CCNC: variants seen among roughly 807,000 people sequenced by gnomAD.
CCNC encodes the protein cyclin-C.
A neutral mutation model predicts 50.0 loss-of-function variants in CCNC; 19 were observed. The observed-to-expected ratio is 0.38, with a 90% confidence interval of 0.27 to 0.56. The LOEUF (loss-of-function observed/expected upper bound fraction) is 0.56. Ranked by LOEUF, CCNC falls within the 20% of genes least tolerant of loss-of-function variation. The probability of loss-of-function intolerance (pLI) is 0.72; values close to 1 mark genes in which losing one functional copy is unlikely to be tolerated. For synonymous variants in CCNC, 93 were observed against 103.7 expected (o/e 0.90, Z 0.63); for missense variants, 200 against 327.1 (o/e 0.61, Z 3.00).
At chr6:99,566,911 C>T (rs1326900034) in intron 1 of CCNC, 1 of 450,070 alleles carries the variant, frequency 2.2e-6, no homozygotes, top group Non-Finnish European at 4.5e-6. Context: ...AGACAATGGC[C>T]TTTCATAATC....
intron 5 of CCNC, among the ~76,000 whole-genome samples, chr6:99,555,954 C>T (rs1562491420): frequency 6.6e-6 from 1 of 152,162 alleles, no homozygotes; most frequent in Non-Finnish European, 1.5e-5. Context: ...TTCTTAAATC[C>T]CTTCTTTTTA....
At chr6:99,543,774 C>A in intron 11 of CCNC, 165 bp from the exon 12 acceptor site, 2 of 1,419,100 alleles carry the variant, frequency 1.4e-6, no homozygotes. Flanking sequence ...AGAAGACTAA[C>A]AAACATTGGT....
intron 11 of CCNC, 42 bp from the exon 12 acceptor site, chr6:99,543,651 G>T (rs777246706): frequency 3.7e-6 from 6 of 1,609,614 alleles, no homozygotes; most frequent in African/African-American, 1.3e-5. Flanking sequence ...CCAATTAAAA[G>T]ATCCATTTTT....
intron 11 of CCNC, 73 bp from the exon 12 acceptor site, chr6:99,543,682 A>T: frequency 6.3e-7 from 1 of 1,586,842 alleles, no homozygotes; most frequent in Non-Finnish European, 8.6e-7. Flanking sequence ...AAGCCTACTG[A>T]CTTTTAAATT....
intron 9 of CCNC, among the ~76,000 whole-genome samples, chr6:99,547,807 C>T (rs920291262): frequency 8.5e-5 from 13 of 152,214 alleles, no homozygotes; most frequent in African/African-American, 2.6e-4. Flanking sequence ...GATGGGAGTG[C>T]TGGAGGCTAA....
chr6:99,563,898 T>C (rs1253013807), intron 1 of CCNC, among the ~76,000 whole-genome samples: 1 of 152,106 alleles, frequency 6.6e-6, no homozygotes, highest in Non-Finnish European at 1.5e-5. Context: ...AATTAATAGC[T>C]GGTATAAAAA....
intron 9 of CCNC, among the ~76,000 whole-genome samples, chr6:99,549,068 C>T (rs1222813714): frequency 1.3e-5 from 2 of 151,964 alleles, no homozygotes; most frequent in Non-Finnish European, 2.9e-5. Context: ...TTTCCACAGA[C>T]TGTAGAATGA....
intron 1 of CCNC, chr6:99,567,022 G>A: frequency 2.3e-6 from 1 of 434,460 alleles, no homozygotes. Flanking sequence ...AAGGCAAAGT[G>A]GTCCCTTCTT....
intron 9 of CCNC, among the ~76,000 whole-genome samples, chr6:99,547,800 G>T (rs931112072): frequency 1.1e-4 from 16 of 152,160 alleles, no homozygotes; most frequent in African/African-American, 3.9e-4. Flanking sequence ...CTCTGAGGAT[G>T]GGAGTGCTGG....
At chr6:99,568,365 C>A (rs1769245777) in intron 1 of CCNC, 131 bp downstream of exon 1, 1 of 861,686 alleles carries the variant, frequency 1.2e-6, no homozygotes, top group Admixed American at 2.4e-5. Flanking sequence ...TTGATTCTGA[C>A]CGCTGCGGTC....
Position 99,551,041 on chromosome 6 carries a change from A to G in CCNC, c.403-13T>C. The G allele has an allele frequency of 1.8e-6, 2 of 1,086,778 alleles. No homozygotes were observed. Among genetic ancestry groups the G allele is most frequent in the Non-Finnish European group, 2.5e-6 (2 of 793,604 alleles). 67.3% of individuals were successfully genotyped at this position (1,086,778 alleles called of 1,614,324 possible). A position where few individuals can be genotyped will look rare whatever the true frequency, so the allele number is the denominator to read the frequency against. Reference sequence around the variant, plus strand: ...CACATTCTAATATCTGTTTAAAACAAAGATTATCAATGAAATGTCAATATG... The same window carrying G: ...CACATTCTAATATCTGTTTAAAACAGAGATTATCAATGAAATGTCAATATG... On this transcript the variant is annotated splice_polypyrimidine_tract_variant and intron_variant, in intron 6 of 11. Coordinates refer to ENST00000520429, the MANE Select transcript of CCNC (RefSeq NM_005190.4).
Position 99,543,617 on chromosome 6 carries a change from A to G in CCNC, c.798-8T>C, listed in dbSNP as rs372524562. On this transcript the variant is annotated splice_region_variant and splice_polypyrimidine_tract_variant and intron_variant, in intron 11 of 11. Coordinates refer to ENST00000520429, the MANE Select transcript of CCNC (RefSeq NM_005190.4). ...GGACCCTGCTCTCCTTCACTGTTCA[A>G]ATGGGGAAGAAAGAGATTTTATACC... The G allele has an allele frequency of 1.9e-6, 3 of 1,612,808 alleles. No homozygotes were observed. The African/African-American group carries it at 4.0e-5, about 22-fold the overall frequency.
intron 5 of CCNC, among the ~76,000 whole-genome samples, chr6:99,554,250 C>T (rs183423747): frequency 6.6e-6 from 1 of 152,114 alleles, no homozygotes; most frequent in African/African-American, 2.4e-5. Flanking sequence ...ATCAATGATA[C>T]ATGATATTAA....
At chr6:99,545,042 T>C (rs1802018689) in intron 11 of CCNC, 70 bp downstream of exon 11, 3 of 724,050 alleles carry the variant, frequency 4.1e-6, no homozygotes, top group Admixed American at 2.4e-5. Flanking sequence ...CAAAACAACA[T>C]AATCTAAGAA....
intron 10 of CCNC, 139 bp from the exon 11 acceptor site, chr6:99,545,369 T>C (rs1226469833): frequency 1.7e-6 from 1 of 583,214 alleles, no homozygotes. Flanking sequence ...GAAAGCAGTA[T>C]TTTTCACCAC....
chr6:99,564,198 G>A (rs1396274260), intron 1 of CCNC, among the ~76,000 whole-genome samples: 1 of 152,116 alleles, frequency 6.6e-6, no homozygotes, highest in African/African-American at 2.4e-5. Flanking sequence ...GCCGAGGTGG[G>A]TGGATCACCT....
chr6:99,549,668 C>T, intron 8 of CCNC, 93 bp from the exon 9 acceptor site: 1 of 784,610 alleles, frequency 1.3e-6, no homozygotes, highest in Non-Finnish European at 2.2e-6. Context: ...CCCATCTTTG[C>T]ACACATTTAT....
At chr6:99,546,770 G>A (rs1303656132) in intron 9 of CCNC, among the ~76,000 whole-genome samples, 1 of 152,198 alleles carries the variant, frequency 6.6e-6, no homozygotes, top group Non-Finnish European at 1.5e-5. Context: ...GAGCAGAAAA[G>A]GGAAGTTATC....
chr6:99,545,571 A>C (rs1802037178), intron 10 of CCNC, among the ~76,000 whole-genome samples: 1 of 152,232 alleles, frequency 6.6e-6, no homozygotes, highest in Non-Finnish European at 1.5e-5. Context: ...AAATTATTTT[A>C]AACAACTTAA....
Sources: allele counts gnomAD v4.1 joint callset (sites outside exome capture counted in the v4.1 genomes callset), GRCh38; gene constraint gnomAD v4.1.1; transcripts MANE v1.5; gene names NCBI Gene and HGNC (gene_info 2026-07-23, HGNC 2026-07-21).